The following MAP2 variants were observed in gnomAD, a reference collection of about 807,000 sequenced individuals.
MAP2 encodes the protein microtubule associated protein 2, also known as microtubule-associated protein 2.
MAP2 carries 14 observed loss-of-function variants against 137.6 expected under a neutral mutation model. The observed-to-expected ratio is 0.10, with a 90% CI of 0.07 to 0.16. The LOEUF (loss-of-function observed/expected upper bound fraction) is 0.16, where lower values mean the gene tolerates loss of function less well. Among genes scored for constraint, MAP2 ranks in the 10% least tolerant of loss-of-function variants. MAP2 has a pLI of 1.00. For missense variants in MAP2, 2,088 were observed against 2,191.5 expected (o/e 0.95, Z 0.94); for synonymous variants, 786 against 782.3 (o/e 1.00, Z -0.08).
intron 2 of MAP2, among the ~76,000 whole-genome samples, chr2:209,561,872 A>T (rs948223701): frequency 6.6e-5 from 10 of 152,204 alleles, no homozygotes; most frequent in Non-Finnish European, 1.2e-4. Flanking sequence ...AGGCACATTG[A>T]TGAAGCACTC....
intron 2 of MAP2, among the ~76,000 whole-genome samples, chr2:209,574,363 T>A (rs1168608867): frequency 6.6e-6 from 1 of 152,150 alleles, no homozygotes; most frequent in African/African-American, 2.4e-5. Context: ...TAGCATAATG[T>A]CCTCCGGGCT....
At chr2:209,655,256 T>C (rs16843392) in intron 5 of MAP2, among the ~76,000 whole-genome samples, 5,011 of 152,320 alleles carry the variant, frequency 0.033, 268 homozygotes, top group African/African-American at 0.11. Context: ...CTTTTGGAGA[T>C]TGATTACAAA....
At position 209,695,221 on chromosome 2, in the gene MAP2, G is replaced by A. The variant is rs1303494443; in HGVS notation, c.3051G>A (p.Lys1017=). 5.6e-6 allele frequency: 9 copies of A among 1,614,036 alleles called. No homozygotes were observed. The highest frequency in any genetic ancestry group is 6.8e-6 in the Non-Finnish European group (8 of 1,180,026). Residue 1017 remains lysine (K), a synonymous_variant, in exon 8 of 16, where the codon AAG becomes AAA. Transcript: ENST00000682079. ...PTDASSEKAE[K]GLSSVPEIAE... ...ATGCATCCTCTGAGAAAGCAGAGAA[G>A]GGTCTTAGTTCAGTGCCAGAGATAG... is the stretch of plus-strand genomic sequence containing the variant.
intron 4 of MAP2, among the ~76,000 whole-genome samples, chr2:209,633,745 A>T (rs10198751): frequency 0.25 from 37,291 of 151,962 alleles, 7,802 homozygotes; most frequent in African/African-American, 0.56. Flanking sequence ...GAAGGGATAT[A>T]TGACAAAATT....
At chr2:209,578,591 T>C (rs765850503) in intron 2 of MAP2, among the ~76,000 whole-genome samples, 4 of 152,144 alleles carry the variant, frequency 2.6e-5, no homozygotes, top group Non-Finnish European at 4.4e-5. Flanking sequence ...TCTCATCGAA[T>C]TTTGCTCCAT....
chr2:209,435,166 G>A (rs1258976360), intron 1 of MAP2, among the ~76,000 whole-genome samples: 1 of 151,048 alleles, frequency 6.6e-6, no homozygotes, highest in South Asian at 2.1e-4. Context: ...TTGTGCTATA[G>A]AATATCAAAT....
intron 13 of MAP2, among the ~76,000 whole-genome samples, chr2:209,720,825 C>G (rs1252391597): frequency 6.6e-6 from 1 of 151,744 alleles, no homozygotes; most frequent in East Asian, 1.9e-4. Context: ...ATAATTTTCT[C>G]TTGACATAGG....
At chr2:209,529,313 C>A (rs149067234) in intron 2 of MAP2, among the ~76,000 whole-genome samples, 212 of 152,154 alleles carry the variant, frequency 1.4e-3, no homozygotes, top group Admixed American at 4.5e-3. Context: ...ATTAGCAAGG[C>A]ATTCAGTCAA....
intron 1 of MAP2, among the ~76,000 whole-genome samples, chr2:209,485,764 A>C (rs1483593940): frequency 6.6e-6 from 1 of 152,242 alleles, no homozygotes; most frequent in Non-Finnish European, 1.5e-5. Flanking sequence ...ATTTTTGTGC[A>C]CATTCAAAAT....
chr2:209,642,450 AAAG>A (rs1399447823), intron 4 of MAP2, among the ~76,000 whole-genome samples: 2 of 152,086 alleles, frequency 1.3e-5, no homozygotes, highest in South Asian at 2.1e-4. Flanking sequence ...AAAGAAAGAA[AAAG>A]AAGAAAACAC....
At chr2:209,515,092 G>T (rs1009098124) in intron 2 of MAP2, among the ~76,000 whole-genome samples, 4 of 152,080 alleles carry the variant, frequency 2.6e-5, no homozygotes, top group Non-Finnish European at 5.9e-5. Context: ...ATATTATTCA[G>T]TGTCTTACGG....
chr2:209,507,168 G>A (rs1388339576), intron 1 of MAP2, among the ~76,000 whole-genome samples: 1 of 152,134 alleles, frequency 6.6e-6, no homozygotes, highest in East Asian at 1.9e-4. Context: ...TGAATTTGGG[G>A]TGGTGGGGAC....
intron 2 of MAP2, among the ~76,000 whole-genome samples, chr2:209,551,313 T>C (rs2069127039): frequency 6.6e-6 from 1 of 152,180 alleles, no homozygotes. Context: ...CCTCACTTTT[T>C]ATTTTCATCA....
chr2:209,631,918 CA>C (rs2093099200), intron 4 of MAP2, among the ~76,000 whole-genome samples: 1 of 152,048 alleles, frequency 6.6e-6, no homozygotes, highest in African/African-American at 2.4e-5. Flanking sequence ...TGAGTTGAGT[CA>C]AAAGGGGTAA....
intron 10 of MAP2, 135 bp from the exon 11 acceptor site, chr2:209,700,142 T>C (rs2061391160): frequency 3.2e-6 from 2 of 627,216 alleles, no homozygotes; most frequent in East Asian, 5.3e-5. Context: ...GTTATTGAAT[T>C]TGAGTCTCAT....
intron 1 of MAP2, among the ~76,000 whole-genome samples, chr2:209,470,722 G>T (rs957063677): frequency 1.3e-5 from 2 of 152,034 alleles, no homozygotes; most frequent in Non-Finnish European, 2.9e-5. Context: ...AGCTAGGGGC[G>T]CTTGGTGTGG....
chr2:209,424,155 CT>C lies in MAP2; in HGVS notation c.-338del, dbSNP rs796350620. 115 of 102,654 alleles carry C rather than the reference CT, an allele frequency of 1.1e-3. No individual in the cohort carries two copies. The highest frequency in any genetic ancestry group is 6.4e-3 in the African/African-American group (96 of 15,102). 6.4% of individuals were successfully genotyped at this position (102,654 alleles called of 1,614,324 possible). ...CCGCTTCTTTCTCTTCCTTCTCCTT[CT>C]TTTTCCCCCCCCTCCCCTTCTTCCC... On this transcript the variant is annotated 5_prime_UTR_variant, in exon 1 of 16. Transcript: ENST00000682079.
Position 209,733,595 on chromosome 2 carries a change from G to T in MAP2, c.*3198G>T, listed in dbSNP as rs1484686609. 2 of 152,070 alleles carry T rather than the reference G, an allele frequency of 1.3e-5. No homozygotes were observed. The highest frequency in any genetic ancestry group is 4.8e-5 in the African/African-American group (2 of 41,388). 9.4% of individuals were successfully genotyped at this position (152,070 alleles called of 1,614,324 possible). A position where few individuals can be genotyped will look rare whatever the true frequency, so the allele number is the denominator to read the frequency against. On this transcript the variant is annotated 3_prime_UTR_variant, in exon 16 of 16. Coordinates refer to ENST00000682079, the MANE Select transcript of MAP2 (RefSeq NM_001375505.1). The stretch of plus-strand genomic sequence containing the variant: ...GAATGTGGTTGATTTTGACATAGCT[G>T]CAATTACAGTTTTCTTCTATTTTTC...
intron 2 of MAP2, among the ~76,000 whole-genome samples, chr2:209,528,862 G>GTA (rs2064598918): frequency 6.9e-6 from 1 of 145,740 alleles, no homozygotes; most frequent in African/African-American, 2.5e-5. Flanking sequence ...GTGTGTATAT[G>GTA]TGTGTGTATA....
Sources: allele counts gnomAD v4.1 joint callset (sites outside exome capture counted in the v4.1 genomes callset), GRCh38; gene constraint gnomAD v4.1.1; transcripts MANE v1.5; gene names NCBI Gene and HGNC (gene_info 2026-07-23, HGNC 2026-07-21).